Variants in LUZP1 observed in about 807,000 individuals in gnomAD.
The protein encoded by LUZP1 is filamin mechanobinding actin cross-linking protein.
A neutral mutation model predicts 71.3 loss-of-function variants in LUZP1; 25 were observed. The observed-to-expected ratio is 0.35, with a 90% confidence interval of 0.26 to 0.49. LUZP1 has a LOEUF of 0.49. Ranked by LOEUF, LUZP1 falls within the 20% of genes least tolerant of loss-of-function variation. The pLI, the probability that LUZP1 is intolerant of heterozygous loss-of-function variation, is 0.99. For synonymous variants in LUZP1, 481 were observed against 506.4 expected (o/e 0.95, Z 0.67); for missense variants, 1,142 against 1,300.8 (o/e 0.88, Z 1.88).
chr1:23,087,552 T>A (rs762042890), exon 5 of LUZP1: 1 of 152,572 alleles, frequency 6.6e-6, no homozygotes, highest in Non-Finnish European at 1.5e-5. Flanking sequence ...AGACTGGTAG[T>A]TTAATGTTCT....
exon 4 of LUZP1, chr1:23,092,698 C>T: frequency 6.2e-7 from 1 of 1,614,144 alleles, no homozygotes; most frequent in Non-Finnish European, 8.5e-7. Context: ...CCCAATGGGT[C>T]ACTGGGAACA....
chr1:23,142,307 C>A (rs6691404), intron 2 of LUZP1, among the ~76,000 whole-genome samples: 26,284 of 152,064 alleles, frequency 0.17, 2,369 homozygotes, highest in East Asian at 0.27. Flanking sequence ...TCTAAATTTT[C>A]AAAGGTCTTT....
chr1:23,092,970 G>C (rs140449750), exon 4 of LUZP1: 40 of 1,614,024 alleles, frequency 2.5e-5, no homozygotes, highest in Admixed American at 1.3e-4. Flanking sequence ...AGCTTTTGCT[G>C]CCCTCCTGTT....
intron 2 of LUZP1, among the ~76,000 whole-genome samples, chr1:23,149,738 C>T (rs1644368748): frequency 1.3e-5 from 2 of 151,856 alleles, no homozygotes; most frequent in Admixed American, 6.6e-5. Context: ...ACTTTGGGAG[C>T]GGATCACGAG....
At position 23,093,570 on chromosome 1, in the gene LUZP1, T is replaced by A. The variant is rs772757233; in HGVS notation, c.692A>T (p.Asn231Ile). 1 of 1,614,002 alleles carries A rather than the reference T, an allele frequency of 6.2e-7. No homozygotes were observed. The highest frequency in any genetic ancestry group is 1.1e-5 in the South Asian group (1 of 90,958). ...GTCATTTCTTTCCAGATTAGAAGCA[T>A]TCCTTGTATAATCTCGGTTCATTTT... Residue 231 changes from asparagine to isoleucine, a missense_variant, in exon 4 of 5, where the codon AAT becomes ATT. Physicochemically the swap from Asn to Ile is moderately radical, Grantham distance 149. Coordinates refer to ENST00000302291, the Ensembl canonical transcript of LUZP1. The surrounding 1 kb of genome is among the most constrained non-coding windows in gnomAD (Gnocchi z 4.2).
intron 3 of LUZP1, among the ~76,000 whole-genome samples, chr1:23,105,433 C>T (rs528978637): frequency 5.3e-5 from 8 of 152,166 alleles, no homozygotes; most frequent in Non-Finnish European, 1.2e-4. Flanking sequence ...AACTCTGAAG[C>T]CAGGCAGCCT....
chr1:23,173,727 G>A (rs945660207), intron 1 of LUZP1, among the ~76,000 whole-genome samples: 1 of 152,106 alleles, frequency 6.6e-6, no homozygotes, highest in African/African-American at 2.4e-5. Context: ...GGGAAAGAGG[G>A]TAAAAACACA....
rs538327046 is a variant in LUZP1 at position 23,166,653 on chromosome 1, C to CAAAAAA, written c.-226+2107_-226+2112dup. On this transcript the variant is annotated intron_variant, in intron 2 of 4. Coordinates refer to ENST00000302291, the Ensembl canonical transcript of LUZP1. Reference sequence around the variant, plus strand: ...CTGGGTGACACAGAGCACTCCGTCTCAAAAAAAAAAAAAAAAAAAAAAAAG... The same window carrying CAAAAAA: ...CTGGGTGACACAGAGCACTCCGTCTCAAAAAAAAAAAAAAAAAAAAAAAAAAAAAAG... Among the ~76,000 whole-genome samples the CAAAAAA allele has an allele frequency of 1.4e-3, 100 of 70,890 alleles. 3 individuals carry two copies. The highest frequency in any genetic ancestry group is 4.7e-3 in the African/African-American group (95 of 20,190). The allele number at this position is 70,890 out of a possible 152,430, so 46.5% of individuals were successfully genotyped here.
intron 2 of LUZP1, among the ~76,000 whole-genome samples, chr1:23,128,524 A>G (rs1275462952): frequency 6.6e-6 from 1 of 152,250 alleles, no homozygotes; most frequent in Non-Finnish European, 1.5e-5. Flanking sequence ...TGAAGACAGA[A>G]TAAAAGCCTC....
Position 23,094,041 on chromosome 1 carries a change from C to T in LUZP1, c.221G>A (p.Arg74Lys). Residue 74 changes from arginine to lysine, a missense_variant, in exon 4 of 5, where the codon AGA becomes AAA. Physicochemically the swap from Arg to Lys is conservative, Grantham distance 26. Transcript: ENST00000302291. This position sits in a 1 kb window ranked among gnomAD's most constrained non-coding sequence, Gnocchi z 4.7. ...AATTTCCTCGTCTTTGCCTTCAATTCTCAGCACCCGCTGGCGCAGCACTTC... is the reference window on the plus strand; with the variant it reads ...AATTTCCTCGTCTTTGCCTTCAATTTTCAGCACCCGCTGGCGCAGCACTTC... 7 of 1,614,210 alleles carry T rather than the reference C, an allele frequency of 4.3e-6. 1 individual carries two copies. The highest frequency in any genetic ancestry group is 2.2e-5 in the East Asian group (1 of 44,884).
At chr1:23,152,824 C>T (rs558412999) in intron 2 of LUZP1, among the ~76,000 whole-genome samples, 1 of 152,266 alleles carries the variant, frequency 6.6e-6, no homozygotes, top group African/African-American at 2.4e-5. Context: ...GGCCACCGTT[C>T]CCGGCCAATT....
intron 2 of LUZP1, among the ~76,000 whole-genome samples, chr1:23,158,674 AAAAG>A (rs1644439863): frequency 6.7e-6 from 1 of 148,510 alleles, no homozygotes; most frequent in Non-Finnish European, 1.5e-5. Flanking sequence ...AAAAAAAAAA[AAAAG>A]GGTTGGGTCC....
chr1:23,137,312 C>T (rs896231065), intron 2 of LUZP1, among the ~76,000 whole-genome samples: 1 of 152,162 alleles, frequency 6.6e-6, no homozygotes, highest in Non-Finnish European at 1.5e-5. Flanking sequence ...TGAAAAGATG[C>T]TCAACATCAT....
chr1:23,135,122 G>A (rs558153887), intron 2 of LUZP1, among the ~76,000 whole-genome samples: 8 of 152,222 alleles, frequency 5.3e-5, no homozygotes, highest in Middle Eastern at 3.4e-3. Context: ...CTTTGTTTGG[G>A]GCTAAATGTG....
intron 3 of LUZP1, among the ~76,000 whole-genome samples, chr1:23,097,745 G>A (rs1030579113): frequency 6.6e-6 from 1 of 152,232 alleles, no homozygotes; most frequent in Non-Finnish European, 1.5e-5. Context: ...GGTAGGCTGA[G>A]GCAAGAAGAC....
intron 3 of LUZP1, among the ~76,000 whole-genome samples, chr1:23,104,201 A>ACGGAATCT (rs1643960964): frequency 6.8e-6 from 1 of 147,776 alleles, no homozygotes; most frequent in Non-Finnish European, 1.5e-5. Flanking sequence ...TTTTTTTGAG[A>ACGGAATCT]CGGAATCTCG....
chr1:23,153,778 C>A (rs1204562779), intron 2 of LUZP1, among the ~76,000 whole-genome samples: 2 of 152,040 alleles, frequency 1.3e-5, no homozygotes, highest in Non-Finnish European at 2.9e-5. Flanking sequence ...TACTAGAAAT[C>A]AAAAATATTA....
intron 2 of LUZP1, among the ~76,000 whole-genome samples, chr1:23,149,311 A>G (rs1399744487): frequency 6.6e-6 from 1 of 152,044 alleles, no homozygotes; most frequent in African/African-American, 2.4e-5. Context: ...CAGAGTACAG[A>G]GCACTATAAG....
At chr1:23,129,491 G>C (rs1213053285) in intron 2 of LUZP1, among the ~76,000 whole-genome samples, 1 of 152,180 alleles carries the variant, frequency 6.6e-6, no homozygotes, top group Admixed American at 6.5e-5. Context: ...TGAGGCAGGA[G>C]AATTGCTTGA....
Sources: gnomAD v4.1 joint callset for allele counts (sites outside exome capture counted in the v4.1 genomes callset) on GRCh38, gnomAD v4.1.1 for gene constraint, Gnocchi (gnomAD v3.1) non-coding constraint, MANE v1.5 for transcripts, NCBI Gene and HGNC (gene_info 2026-07-23, HGNC 2026-07-21) for gene names.